The following PTPRD variants were observed in gnomAD, a reference collection of about 807,000 sequenced individuals.
PTPRD encodes the protein protein tyrosine phosphatase receptor type D.
Under a neutral mutation model 214.5 loss-of-function variants are expected in PTPRD, and 34 were observed. The ratio of observed to expected loss-of-function variants is 0.16; its 90% CI spans 0.12 to 0.21. PTPRD has a LOEUF of 0.21. Ranked by LOEUF, PTPRD falls within the 10% of genes least tolerant of loss-of-function variation. The pLI is 1.00. For synonymous variants in PTPRD, 1,128 were observed against 845.7 expected (o/e 1.33, Z -5.79); for missense variants, 2,545 against 2,398.7 (o/e 1.06, Z -1.27).
chr9:9,952,195 G>C (rs552009437), intron 4 of PTPRD, among the ~76,000 whole-genome samples: 17 of 152,256 alleles, frequency 1.1e-4, no homozygotes, highest in African/African-American at 4.1e-4. Context: ...TTGGTGAAAG[G>C]AGAAATGGTA....
chr9:9,172,635 G>A (rs567028252), intron 10 of PTPRD, among the ~76,000 whole-genome samples: 55 of 152,196 alleles, frequency 3.6e-4, no homozygotes, highest in African/African-American at 1.2e-3. Context: ...CCTAGGCACT[G>A]GCAAAGGGTT....
At chr9:9,976,724 T>A (rs893943011) in intron 4 of PTPRD, among the ~76,000 whole-genome samples, 6 of 116,500 alleles carry the variant, frequency 5.2e-5, no homozygotes, top group Non-Finnish European at 7.1e-5. Flanking sequence ...TTACTTTTTT[T>A]ATGTCTAAAT....
chr9:9,492,213 T>C (rs1230697901), intron 8 of PTPRD, among the ~76,000 whole-genome samples: 2 of 149,744 alleles, frequency 1.3e-5, no homozygotes, highest in African/African-American at 2.5e-5. Flanking sequence ...AACATATGAA[T>C]AGACCTATAA....
At chr9:9,582,045 G>A (rs867049741) in intron 7 of PTPRD, among the ~76,000 whole-genome samples, 8 of 152,068 alleles carry the variant, frequency 5.3e-5, no homozygotes, top group South Asian at 2.1e-4. Flanking sequence ...AATCTCTTCC[G>A]GGATTTTTCT....
chr9:8,593,420 G>T (rs1005485367), intron 14 of PTPRD, among the ~76,000 whole-genome samples: 4 of 152,130 alleles, frequency 2.6e-5, no homozygotes, highest in African/African-American at 9.7e-5. Context: ...TTGTAAGCTT[G>T]CCTTTGTTGT....
intron 9 of PTPRD, among the ~76,000 whole-genome samples, chr9:9,306,640 A>G (rs963515077): frequency 6.6e-6 from 1 of 152,036 alleles, no homozygotes; most frequent in Non-Finnish European, 1.5e-5. Context: ...ATACTTGAGA[A>G]AATGAAGGCA....
At chr9:8,583,588 G>C (rs985135041) in intron 14 of PTPRD, among the ~76,000 whole-genome samples, 1 of 152,176 alleles carries the variant, frequency 6.6e-6, no homozygotes, top group African/African-American at 2.4e-5. Context: ...TTTATGTAAA[G>C]TTTGAAAACA....
intron 44 of PTPRD, among the ~76,000 whole-genome samples, chr9:8,328,296 T>G (rs1836065263): frequency 6.6e-6 from 1 of 152,176 alleles, no homozygotes; most frequent in African/African-American, 2.4e-5. Flanking sequence ...TGGCTGGATA[T>G]GAAATTCTGG....
At chr9:9,272,547 TG>T (rs1460493419) in intron 9 of PTPRD, among the ~76,000 whole-genome samples, 1 of 151,212 alleles carries the variant, frequency 6.6e-6, no homozygotes, top group African/African-American at 2.4e-5. Context: ...CAACTTTAAA[TG>T]GGGGCGAAGG....
intron 5 of PTPRD, among the ~76,000 whole-genome samples, chr9:9,887,933 C>T (rs868130366): frequency 6.6e-6 from 1 of 152,074 alleles, no homozygotes; most frequent in Admixed American, 6.6e-5. Context: ...GGAGATAATA[C>T]ACTCACATGA....
chr9:8,633,826 C>A (rs2154321787), intron 13 of PTPRD, among the ~76,000 whole-genome samples: 1 of 152,158 alleles, frequency 6.6e-6, no homozygotes, highest in East Asian at 1.9e-4. Context: ...TCTCACAGCA[C>A]ATATACGAAT....
chr9:8,518,648 T>A (rs1305223227), intron 20 of PTPRD, among the ~76,000 whole-genome samples: 4 of 152,194 alleles, frequency 2.6e-5, no homozygotes, highest in Admixed American at 2.6e-4. Flanking sequence ...TGATAGCATA[T>A]TTTTAGGCTT....
intron 8 of PTPRD, among the ~76,000 whole-genome samples, chr9:9,482,195 C>A (rs541426300): frequency 6.6e-6 from 1 of 151,874 alleles, no homozygotes; most frequent in Non-Finnish European, 1.5e-5. Flanking sequence ...TTAATAGACA[C>A]AAAATTTTAA....
At chr9:10,127,525 C>G (rs1231781241) in intron 3 of PTPRD, among the ~76,000 whole-genome samples, 2 of 151,864 alleles carry the variant, frequency 1.3e-5, no homozygotes, top group Non-Finnish European at 2.9e-5. Context: ...AATTCAAATC[C>G]CAATGTATTA....
chr9:8,536,110 C>A (rs2076870666), intron 14 of PTPRD, among the ~76,000 whole-genome samples: 1 of 151,790 alleles, frequency 6.6e-6, no homozygotes, highest in South Asian at 2.1e-4. Context: ...TTATTTGTTT[C>A]ATATCCTACA....
At chr9:8,569,498 G>GA (rs1196969849) in intron 14 of PTPRD, among the ~76,000 whole-genome samples, 1 of 151,956 alleles carries the variant, frequency 6.6e-6, no homozygotes, top group Non-Finnish European at 1.5e-5. Context: ...AAAAACTGGA[G>GA]AAAAAATTGG....
intron 5 of PTPRD, among the ~76,000 whole-genome samples, chr9:9,876,477 A>T (rs1209625631): frequency 6.6e-6 from 1 of 152,114 alleles, no homozygotes; most frequent in African/African-American, 2.4e-5. Context: ...TTTTAATTAT[A>T]TCACCTCGAA....
Position 8,814,683 on chromosome 9 carries a change from C to T in PTPRD, c.-103-80737G>A, listed in dbSNP as rs111977298. 1.4e-3 allele frequency among the ~76,000 whole-genome samples: 214 copies of T among 152,198 alleles called. 2 individuals are homozygous for T. The highest frequency in any genetic ancestry group is 4.8e-3 in the African/African-American group (199 of 41,522). ...CAAACCATCTGTGACGTAGATTATGCGATGATCCAAGTATAACCAAGGATG... is the reference window on the plus strand; with the variant it reads ...CAAACCATCTGTGACGTAGATTATGTGATGATCCAAGTATAACCAAGGATG... On this transcript the variant is annotated intron_variant, in intron 11 of 45. Coordinates refer to ENST00000381196, the MANE Select transcript of PTPRD (RefSeq NM_002839.4).
intron 7 of PTPRD, among the ~76,000 whole-genome samples, chr9:9,707,925 T>G (rs1315183293): frequency 6.6e-6 from 1 of 152,048 alleles, no homozygotes; most frequent in African/African-American, 2.4e-5. Context: ...TGTAACTTTT[T>G]ACTTCTCATA....
Sources: gnomAD v4.1 joint callset for allele counts (sites outside exome capture counted in the v4.1 genomes callset) on GRCh38, gnomAD v4.1.1 for gene constraint, MANE v1.5 for transcripts, NCBI Gene and HGNC (gene_info 2026-07-23, HGNC 2026-07-21) for gene names.